The following IDH3A variants were observed in gnomAD, a reference collection of about 807,000 sequenced individuals.
IDH3A encodes isocitrate dehydrogenase (NAD(+)) 3 catalytic subunit alpha.
IDH3A carries 23 observed loss-of-function variants against 43.3 expected under a neutral mutation model. The observed-to-expected ratio is 0.53, with a 90% confidence interval of 0.38 to 0.75. IDH3A has a LOEUF of 0.75. IDH3A is among the 30% of genes least tolerant of loss of function. The probability of loss-of-function intolerance (pLI) is 0.00; values close to 1 mark genes in which losing one functional copy is unlikely to be tolerated. For missense variants in IDH3A, 329 were observed against 474.4 expected, an observed-to-expected ratio of 0.69 and a Z score of 2.85; for synonymous variants, 154 against 163.5, an observed-to-expected ratio of 0.94 and a Z score of 0.44.
intron 4 of IDH3A, 90 bp downstream of exon 4, chr15:78,160,296 G>T (rs1456408394): frequency 9.9e-6 from 7 of 706,996 alleles, no homozygotes; most frequent in East Asian, 2.7e-5. Flanking sequence ...ACTGAATAAG[G>T]CCTGGCCATC....
At chr15:78,152,844 A>G (rs1432750028) in intron 1 of IDH3A, among the ~76,000 whole-genome samples, 3 of 152,214 alleles carry the variant, frequency 2.0e-5, no homozygotes, top group African/African-American at 4.8e-5. Context: ...CATTGCAAGT[A>G]TTAAGGCTAC....
chr15:78,163,311 T>C (rs1411177393), intron 6 of IDH3A, among the ~76,000 whole-genome samples, 196 bp from the exon 7 acceptor site: 1 of 152,214 alleles, frequency 6.6e-6, no homozygotes, highest in Non-Finnish European at 1.5e-5. Flanking sequence ...TTTTACTCTT[T>C]TATACTTTCA....
chr15:78,151,126 C>T (rs577542576), intron 1 of IDH3A, among the ~76,000 whole-genome samples: 1 of 152,324 alleles, frequency 6.6e-6, no homozygotes, highest in African/African-American at 2.4e-5. Flanking sequence ...CTGACATGCA[C>T]TCCCTGTGTG....
intron 3 of IDH3A, among the ~76,000 whole-genome samples, chr15:78,158,220 G>A (rs1216609977): frequency 6.6e-6 from 1 of 151,848 alleles, no homozygotes; most frequent in African/African-American, 2.4e-5. Flanking sequence ...AGAATGGAAT[G>A]TTATTACTTC....
intron 1 of IDH3A, chr15:78,151,318 G>C (rs2074572718): frequency 6.6e-6 from 1 of 152,420 alleles, no homozygotes; most frequent in Non-Finnish European, 1.5e-5. Flanking sequence ...GCTCATGCCT[G>C]TAATTCTAGC....
intron 10 of IDH3A, chr15:78,168,257 TA>T (rs35284793): frequency 0.34 from 50,108 of 146,144 alleles, 8,817 homozygotes; most frequent in Non-Finnish European, 0.42. Context: ...CCCCGTCTCT[TA>T]AAAAAAAAAA....
Position 78,165,016 on chromosome 15 carries a change from A to C in IDH3A, c.804A>C (p.Gly268=). The C allele has an allele frequency of 1.2e-6, 2 of 1,613,856 alleles. No individual in the cohort carries two copies. Among genetic ancestry groups the C allele is most frequent in the Non-Finnish European group, 1.7e-6 (2 of 1,179,816 alleles). ...GTGACTTGTGTGCAGGATTGATCGG[A>C]GGTCTCGGTGTGACACCAAGTGGCA... The part of the protein sequence containing the change: ...ILSDLCAGLI[G]GLGVTPSGNI... The change falls in exon 9 of 11, where the codon GGA becomes GGC. Residue 268 remains glycine, a synonymous_variant. Transcript: ENST00000299518.
intron 10 of IDH3A, chr15:78,168,231 G>GT (rs1283959953): frequency 6.6e-6 from 1 of 150,930 alleles, no homozygotes; most frequent in African/African-American, 2.4e-5. Flanking sequence ...AGACCAGCCT[G>GT]GGCCACATAG....
At position 78,168,919 on chromosome 15, in the gene IDH3A, C is replaced by T; in HGVS notation, c.1018-3C>T. The T allele has an allele frequency of 1.3e-6, 2 of 1,583,508 alleles. No individual in the cohort carries two copies. Among genetic ancestry groups the T allele is most frequent in the Non-Finnish European group, 1.7e-6 (2 of 1,156,362 alleles). Reference sequence around the variant, plus strand: ...TTTTATTTTTGCTTTTTCCTTTTCTCAGAGCTTGACAAAAGATTTGGGAGG... The same window carrying T: ...TTTTATTTTTGCTTTTTCCTTTTCTTAGAGCTTGACAAAAGATTTGGGAGG... On this transcript the variant is annotated splice_polypyrimidine_tract_variant and splice_region_variant and intron_variant, in intron 10 of 10. Transcript: ENST00000299518.
rs539743362 is a variant in IDH3A, at chr15:78,171,504, G to A, written c.*2499G>A. The A allele has an allele frequency of 6.2e-7, 1 of 1,614,118 alleles. No individual in the cohort carries two copies. Among genetic ancestry groups the A allele is most frequent in the Non-Finnish European group, 8.5e-7 (1 of 1,179,992 alleles). On this transcript the variant is annotated 3_prime_UTR_variant, in exon 11 of 11. Coordinates refer to ENST00000299518, the MANE Select transcript of IDH3A (RefSeq NM_005530.3). ...TACCTTTGTACTTCTCCAAAACTGT[G>A]AGCCGTTTCAGTTTCATCGTGGGAC...
intron 10 of IDH3A, 143 bp downstream of exon 10, chr15:78,166,445 C>T: frequency 1.2e-6 from 1 of 809,458 alleles, no homozygotes; most frequent in Admixed American, 1.9e-5. Context: ...AACGTGGGTC[C>T]CAGATTGAAC....
At chr15:78,159,742 G>C (rs1307055218) in intron 3 of IDH3A, among the ~76,000 whole-genome samples, 1 of 152,140 alleles carries the variant, frequency 6.6e-6, no homozygotes, top group Admixed American at 6.6e-5. Flanking sequence ...TGTAATCCCA[G>C]CACTTTGGGA....
At chr15:78,164,362 T>A (rs2074716390) in intron 8 of IDH3A, among the ~76,000 whole-genome samples, 1 of 151,134 alleles carries the variant, frequency 6.6e-6, no homozygotes, top group Admixed American at 6.6e-5. Flanking sequence ...TCATTTTTTT[T>A]TTTTTTTTGA....
chr15:78,164,480 T>C (rs1381737467), intron 8 of IDH3A, among the ~76,000 whole-genome samples: 2 of 151,832 alleles, frequency 1.3e-5, no homozygotes, highest in African/African-American at 2.4e-5. Flanking sequence ...CCCTGAGTAG[T>C]TGGTATTATT....
Position 78,161,473 on chromosome 15 carries a change from TGAAC to T in IDH3A, c.290-107_290-104del. 2.6e-6 allele frequency: 2 copies of T among 781,696 alleles called. No individual in the cohort carries two copies. Among genetic ancestry groups the T allele is most frequent in the Non-Finnish European group, 4.2e-6 (2 of 478,148 alleles). The allele number at this position is 781,696 out of a possible 1,614,324, so 48.4% of individuals were successfully genotyped here. On this transcript the variant is annotated intron_variant, in intron 4 of 10. Coordinates refer to ENST00000299518, the MANE Select transcript of IDH3A (RefSeq NM_005530.3). This position sits in a 1 kb window ranked among gnomAD's most constrained non-coding sequence, Gnocchi z 4.8. ...CTTCATTTGAATCTCAGGTAGAGAG[TGAAC>T]TAGAGGCAGAACACATTTCACAAGG...
chr15:78,165,195 C>CT lies in IDH3A; in HGVS notation c.864+130dup, dbSNP rs11394499. On this transcript the variant is annotated intron_variant, in intron 9 of 10. Transcript: ENST00000299518. ...TTCAAATTGTCAAAACAAAATGATG[C>CT]TTTTTTTTTTTCTCGAGACGGAGTC... 254,592 of 561,844 alleles carry CT rather than the reference C, an allele frequency of 0.45. 33,765 individuals carry two copies. The highest frequency in any genetic ancestry group is 0.69 in the African/African-American group (34,376 of 49,828). 34.8% of individuals were successfully genotyped at this position (561,844 alleles called of 1,614,324 possible). A position where few individuals can be genotyped will look rare whatever the true frequency, so the allele number is the denominator to read the frequency against.
chr15:78,149,376 T>G lies in IDH3A; in HGVS notation c.-28T>G, dbSNP rs756597591. 3.9e-6 allele frequency: 6 copies of G among 1,531,734 alleles called. No individual in the cohort carries two copies. Among genetic ancestry groups the G allele is most frequent in the East Asian group, 2.5e-5 (1 of 39,282 alleles). The allele number at this position is 1,531,734 out of a possible 1,614,324, so 94.9% of individuals were successfully genotyped here. On this transcript the variant is annotated 5_prime_UTR_variant, in exon 1 of 11. Transcript: ENST00000299518. ...GGCGCTTGCGCACTGCCGCTGCGGC[T>G]GTTGCTGCGGAGCCAGGAGGGGAAG...
At chr15:78,158,463 ATTTTTTTTTTTT>A (rs67298643) in intron 3 of IDH3A, among the ~76,000 whole-genome samples, 3 of 67,388 alleles carry the variant, frequency 4.5e-5, no homozygotes, top group African/African-American at 1.1e-4. Context: ...ATATATATAT[ATTTTTTTTTTTT>A]TTTTTTTTTT....
At chr15:78,150,894 G>A (rs1314180576) in intron 1 of IDH3A, 1 of 152,198 alleles carries the variant, frequency 6.6e-6, no homozygotes, top group Non-Finnish European at 1.5e-5. Flanking sequence ...CAACTTCTGT[G>A]TCACTGTGAA....
Sources: gnomAD v4.1 joint callset for allele counts (sites outside exome capture counted in the v4.1 genomes callset) on GRCh38, gnomAD v4.1.1 for gene constraint, Gnocchi (gnomAD v3.1) non-coding constraint, MANE v1.5 for transcripts, NCBI Gene and HGNC (gene_info 2026-07-23, HGNC 2026-07-21) for gene names.